The following PRRC2B variants were observed in gnomAD, a reference collection of about 807,000 sequenced individuals.
PRRC2B encodes the protein protein PRRC2B.
A neutral mutation model predicts 242.3 loss-of-function variants in PRRC2B; 68 were observed. The ratio of observed to expected loss-of-function variants is 0.28; its 90% CI spans 0.23 to 0.34. PRRC2B has a LOEUF of 0.34. Ranked by LOEUF, PRRC2B falls within the 10% of genes least tolerant of loss-of-function variation. The probability of loss-of-function intolerance (pLI) is 1.00; values close to 1 mark genes in which losing one functional copy is unlikely to be tolerated. For missense variants in PRRC2B, 2,835 were observed against 2,954.8 expected (o/e 0.96, Z 0.94); for synonymous variants, 1,228 against 1,173.6 (o/e 1.05, Z -0.95).
intron 4 of PRRC2B, among the ~76,000 whole-genome samples, chr9:131,437,642 A>G (rs1039184150): frequency 3.3e-5 from 5 of 152,230 alleles, no homozygotes; most frequent in African/African-American, 9.6e-5. Context: ...TGCTTTAACC[A>G]TACTCAGGGA....
rs369686992 is a variant in PRRC2B at position 131,475,807 on chromosome 9, C to T, written c.3678C>T (p.His1226=). The T allele has an allele frequency of 1.2e-5, 19 of 1,612,956 alleles. No individual in the cohort carries two copies. The East Asian group carries it at 4.0e-4, about 34-fold the overall frequency. The part of the protein sequence containing the change: ...RRTFVSKESP[H]WQSKSPGSSW... ...CCTTCGTCTCCAAAGAGTCACCCCA[C>T]TGGCAGAGCAAAAGTCCAGGCAGCT... Residue 1226 remains histidine, a synonymous_variant, in exon 16 of 32, where the codon CAC becomes CAT. Transcript: ENST00000683519.
intron 1 of PRRC2B, among the ~76,000 whole-genome samples, chr9:131,425,795 A>T (rs1837960711): frequency 6.6e-6 from 1 of 150,996 alleles, no homozygotes; most frequent in Non-Finnish European, 1.5e-5. Context: ...GCCCCCGAGG[A>T]CTTTTTAAGT....
Position 131,455,181 on chromosome 9 carries a change from C to T in PRRC2B, c.1211+15C>T, listed in dbSNP as rs903814649. 19 of 1,589,416 alleles carry T rather than the reference C, an allele frequency of 1.2e-5. No homozygotes were observed. The highest frequency in any genetic ancestry group is 1.6e-5 in the Non-Finnish European group (18 of 1,158,816). On this transcript the variant is annotated intron_variant, in intron 10 of 31. Coordinates refer to ENST00000683519, the MANE Select transcript of PRRC2B (RefSeq NM_013318.4). ...AGGCCAAAGTGGTAAGGACCCGTTC[C>T]TGCCCTATCAGCATGAGTGCATCCC...
intron 1 of PRRC2B, among the ~76,000 whole-genome samples, chr9:131,386,344 T>A (rs1438067730): frequency 6.7e-6 from 1 of 150,264 alleles, no homozygotes; most frequent in Admixed American, 6.9e-5. Flanking sequence ...CTTGAACTCC[T>A]GGGTTCAAGC....
chr9:131,452,710 A>AT (rs1942959471), intron 9 of PRRC2B, among the ~76,000 whole-genome samples: 1 of 152,066 alleles, frequency 6.6e-6, no homozygotes, highest in African/African-American at 2.4e-5. Flanking sequence ...ATTTTAAATG[A>AT]TTTTTTAAAT....
At chr9:131,473,423 AAC>A in intron 14 of PRRC2B, 83 bp from the exon 15 acceptor site, 1 of 901,104 alleles carries the variant, frequency 1.1e-6, no homozygotes, top group South Asian at 1.6e-5. Context: ...GGTAACTGTT[AAC>A]TTCTTTGGGC....
At chr9:131,433,421 A>C (rs1318682549) in intron 3 of PRRC2B, among the ~76,000 whole-genome samples, 3 of 152,208 alleles carry the variant, frequency 2.0e-5, no homozygotes, top group Non-Finnish European at 4.4e-5. Context: ...TGGTGCTGTC[A>C]ATCAGAGAAA....
chr9:131,458,814 G>A (rs561434359), intron 10 of PRRC2B, among the ~76,000 whole-genome samples: 2 of 152,280 alleles, frequency 1.3e-5, no homozygotes, highest in African/African-American at 4.8e-5. Flanking sequence ...CTCTTATAAT[G>A]TTTTAAGAAA....
intron 1 of PRRC2B, among the ~76,000 whole-genome samples, chr9:131,427,476 G>A (rs1377201001): frequency 2.6e-5 from 4 of 151,922 alleles, no homozygotes; most frequent in African/African-American, 7.3e-5. Context: ...GACTACAGGC[G>A]CCCACCACCA....
In PRRC2B at chr9:131,475,554, A is replaced by G; in HGVS notation, c.3425A>G (p.Glu1142Gly). 2 of 1,612,824 alleles carry G rather than the reference A, an allele frequency of 1.2e-6. No individual in the cohort carries two copies. The highest frequency in any genetic ancestry group is 1.7e-6 in the Non-Finnish European group (2 of 1,179,818). The stretch of plus-strand genomic sequence containing the variant: ...ACCCATAGCGAGGGCTCAGAGTATG[A>G]AGAACTTCCCAAGCGCCGCCGGCAG... ...SETHSEGSEY[E>G]ELPKRRRQRG... Residue 1142 changes from glutamate (E) to glycine (G), a missense_variant, in exon 16 of 32, where the codon GAA becomes GGA. By Grantham distance (98) the Glu-to-Gly change is moderately conservative. Coordinates refer to ENST00000683519, the MANE Select transcript of PRRC2B (RefSeq NM_013318.4).
chr9:131,423,901 G>A (rs1837913404), intron 1 of PRRC2B, among the ~76,000 whole-genome samples: 1 of 151,938 alleles, frequency 6.6e-6, no homozygotes, highest in Non-Finnish European at 1.5e-5. Flanking sequence ...AGGCTTGTAA[G>A]AGGTGGCTGA....
At chr9:131,415,037 C>T (rs996754385) in intron 1 of PRRC2B, among the ~76,000 whole-genome samples, 4 of 152,136 alleles carry the variant, frequency 2.6e-5, no homozygotes, top group African/African-American at 4.8e-5. Context: ...CTGTTGCCCA[C>T]GCCGGAGTAC....
intron 1 of PRRC2B, among the ~76,000 whole-genome samples, chr9:131,421,567 A>G (rs146648590): frequency 6.8e-4 from 103 of 152,282 alleles, no homozygotes; most frequent in Middle Eastern, 3.4e-3. Context: ...TTCGTTCTAT[A>G]AAGAGACATT....
At chr9:131,389,359 G>A (rs1237846220), upstream of PRRC2B, among the ~76,000 whole-genome samples, 1 of 148,832 alleles carries the variant, frequency 6.7e-6, no homozygotes, top group Non-Finnish European at 1.5e-5. Flanking sequence ...GTTTCTCCAT[G>A]TTGGTCAGGC....
intron 6 of PRRC2B, among the ~76,000 whole-genome samples, chr9:131,444,782 G>T (rs989831043): frequency 1.3e-5 from 2 of 152,130 alleles, no homozygotes; most frequent in African/African-American, 2.4e-5. Flanking sequence ...TTCCTCTGGG[G>T]ATTGTTACAT....
intron 11 of PRRC2B, 80 bp from the exon 12 acceptor site, chr9:131,464,683 A>G: frequency 1.5e-6 from 2 of 1,306,608 alleles, no homozygotes; most frequent in South Asian, 1.5e-5. Context: ...TTGGGAGGAG[A>G]ACTGATCCCA....
At chr9:131,492,074 C>A in intron 29 of PRRC2B, 95 bp from the exon 30 acceptor site, 1 of 947,124 alleles carries the variant, frequency 1.1e-6, no homozygotes, top group Non-Finnish European at 1.7e-6. Context: ...ATTCCCATGG[C>A]CCTCACCACC....
chr9:131,493,469 T>TG (rs1944250220), intron 30 of PRRC2B, among the ~76,000 whole-genome samples: 1 of 152,242 alleles, frequency 6.6e-6, no homozygotes, highest in African/African-American at 2.4e-5. Context: ...CAGCAGCCTC[T>TG]GGCTACAGAG....
At chr9:131,390,008 A>C (rs1836879132), upstream of PRRC2B, among the ~76,000 whole-genome samples, 1 of 141,462 alleles carries the variant, frequency 7.1e-6, no homozygotes, top group Non-Finnish European at 1.5e-5. Context: ...GCAACCTCCA[A>C]CTCTTGGGTT....
Sources: gnomAD v4.1 joint callset for allele counts (sites outside exome capture counted in the v4.1 genomes callset) on GRCh38, gnomAD v4.1.1 for gene constraint, MANE v1.5 for transcripts, NCBI Gene and HGNC (gene_info 2026-07-23, HGNC 2026-07-21) for gene names.